The following ADCY2 variants were observed in gnomAD, a reference collection of about 807,000 sequenced individuals.
ADCY2 encodes adenylate cyclase type 2.
Under a neutral mutation model 125.2 loss-of-function variants are expected in ADCY2, and 31 were observed. That is an observed-to-expected ratio of 0.25 (90% CI 0.19 to 0.33). The LOEUF (loss-of-function observed/expected upper bound fraction) is 0.33, where lower values mean the gene tolerates loss of function less well. Among genes scored for constraint, ADCY2 ranks in the 10% least tolerant of loss-of-function variants. The pLI, the probability that ADCY2 is intolerant of heterozygous loss-of-function variation, is 1.00. For synonymous variants in ADCY2, 512 were observed against 548.4 expected, an observed-to-expected ratio of 0.93 and a Z score of 0.93; for missense variants, 904 against 1,418.2, an observed-to-expected ratio of 0.64 and a Z score of 5.82.
chr5:7,694,690 G>A (rs952021618), intron 5 of ADCY2, among the ~76,000 whole-genome samples: 17 of 152,130 alleles, frequency 1.1e-4, no homozygotes, highest in African/African-American at 3.6e-4. Flanking sequence ...ATGGACATTC[G>A]GTTTGCTTCC....
rs910421083 is a variant in ADCY2 at position 7,722,352 on chromosome 5, C to T, written c.1704-2193C>T. ...TCACTTCCTTGATTTCACTCTCACTCGCAAGCTGACATTTTCCAGGAGCAT... is the reference window on the plus strand; with the variant it reads ...TCACTTCCTTGATTTCACTCTCACTTGCAAGCTGACATTTTCCAGGAGCAT... On this transcript the variant is annotated intron_variant, in intron 12 of 24. Coordinates refer to ENST00000338316, the MANE Select transcript of ADCY2 (RefSeq NM_020546.3). Among the ~76,000 whole-genome samples, 6 of 152,254 alleles carry T rather than the reference C, an allele frequency of 3.9e-5. No homozygotes were observed. The East Asian group carries it at 5.8e-4, about 15-fold the overall frequency.
rs3033085 is a variant in ADCY2 at position 7,459,772 on chromosome 5, ATTTTTTTTTT to A, written c.408+45026_408+45035del. Among the ~76,000 whole-genome samples, 343 of 72,878 alleles carry A rather than the reference ATTTTTTTTTT, an allele frequency of 4.7e-3. 3 individuals are homozygous for A. Among genetic ancestry groups the A allele is most frequent in the African/African-American group, 0.019 (316 of 16,362 alleles). 47.8% of individuals were successfully genotyped at this position (72,878 alleles called of 152,430 possible). A position where few individuals can be genotyped will look rare whatever the true frequency, so the allele number is the denominator to read the frequency against. On this transcript the variant is annotated intron_variant, in intron 2 of 24. Coordinates refer to ENST00000338316, the MANE Select transcript of ADCY2 (RefSeq NM_020546.3). ...GAACTATCTAGCAGTTTAAGAGGTA[ATTTTTTTTTT>A]TTTTTTTTTTTTTTTTTTTTTTTGA...
chr5:7,478,127 G>A (rs1224097347), intron 2 of ADCY2, among the ~76,000 whole-genome samples: 1 of 152,060 alleles, frequency 6.6e-6, no homozygotes, highest in Admixed American at 6.5e-5. Flanking sequence ...GCAGACTCAG[G>A]GCTTATTTAT....
intron 1 of ADCY2, among the ~76,000 whole-genome samples, chr5:7,397,445 G>GT (rs767411861): frequency 0.34 from 24,037 of 69,688 alleles, 7,332 homozygotes; most frequent in East Asian, 0.48. Context: ...CCACCAGTGA[G>GT]TTTTTTTTTT....
At chr5:7,750,002 T>C (rs2126445106) in intron 15 of ADCY2, among the ~76,000 whole-genome samples, 1 of 152,318 alleles carries the variant, frequency 6.6e-6, no homozygotes, top group African/African-American at 2.4e-5. Flanking sequence ...CTTTTCCTTG[T>C]CAATGAAAAG....
chr5:7,433,121 G>A (rs914476967), intron 2 of ADCY2, among the ~76,000 whole-genome samples: 4 of 152,084 alleles, frequency 2.6e-5, no homozygotes, highest in African/African-American at 7.2e-5. Flanking sequence ...GCCAAAAAAC[G>A]TGTCCAGGCT....
At chr5:7,601,301 TATC>T (rs1265318608) in intron 3 of ADCY2, among the ~76,000 whole-genome samples, 2 of 151,698 alleles carry the variant, frequency 1.3e-5, no homozygotes, top group Non-Finnish European at 2.9e-5. Flanking sequence ...TTTAAACAAA[TATC>T]GTGATGAATT....
At chr5:7,616,711 G>A (rs750550386) in intron 3 of ADCY2, among the ~76,000 whole-genome samples, 12 of 152,154 alleles carry the variant, frequency 7.9e-5, no homozygotes, top group East Asian at 1.9e-4. Context: ...TAAATAAAAT[G>A]TCTTTAAAAC....
chr5:7,732,984 G>A (rs1333478561), intron 14 of ADCY2, among the ~76,000 whole-genome samples: 1 of 152,144 alleles, frequency 6.6e-6, no homozygotes, highest in East Asian at 1.9e-4. Context: ...TTAGAAACAT[G>A]AGCTACCTTC....
chr5:7,513,286 G>C (rs1382147059), intron 2 of ADCY2, among the ~76,000 whole-genome samples: 1 of 152,188 alleles, frequency 6.6e-6, no homozygotes, highest in African/African-American at 2.4e-5. Flanking sequence ...CAATTAAACA[G>C]AAGATGGCTT....
intron 19 of ADCY2, among the ~76,000 whole-genome samples, chr5:7,787,300 C>T (rs1486834443): frequency 6.6e-6 from 1 of 152,224 alleles, no homozygotes. Flanking sequence ...TGCGCATGGC[C>T]TCCCGCCATG....
intron 4 of ADCY2, among the ~76,000 whole-genome samples, chr5:7,680,483 G>A (rs1359961197): frequency 6.6e-6 from 1 of 152,166 alleles, no homozygotes; most frequent in Non-Finnish European, 1.5e-5. Flanking sequence ...CCTATCTGAA[G>A]GGGTTCAAAT....
chr5:7,690,027 TTTA>T (rs1740656554), intron 4 of ADCY2, among the ~76,000 whole-genome samples: 1 of 152,192 alleles, frequency 6.6e-6, no homozygotes, highest in African/African-American at 2.4e-5. Context: ...TTTACTAATA[TTTA>T]TTGTTTCCTG....
rs546957684 is a variant in ADCY2, at chr5:7,598,682, A to G, written c.571-27485A>G. Among the ~76,000 whole-genome samples, 15 of 152,268 alleles carry G rather than the reference A, an allele frequency of 9.9e-5. No individual in the cohort carries two copies. In the South Asian group the frequency reaches 3.1e-3, roughly 32 times the overall value. On this transcript the variant is annotated intron_variant, in intron 3 of 24. Transcript: ENST00000338316. ...GGGGTGTGAGTTGTTTCCAGTGGAC[A>G]CACGATAGGATTGTGCTTCCCAGCC...
chr5:7,475,613 T>C (rs1742495641), intron 2 of ADCY2, among the ~76,000 whole-genome samples: 1 of 152,104 alleles, frequency 6.6e-6, no homozygotes, highest in Admixed American at 6.5e-5. Flanking sequence ...AACCCCTGAC[T>C]TCTGGCGATC....
intron 3 of ADCY2, among the ~76,000 whole-genome samples, chr5:7,548,736 C>T (rs1230549137): frequency 6.6e-6 from 1 of 152,076 alleles, no homozygotes; most frequent in Non-Finnish European, 1.5e-5. Context: ...AAAGTGGAGT[C>T]GAGTTGACAC....
intron 20 of ADCY2, chr5:7,795,025 C>T (rs1744377959): frequency 6.6e-6 from 1 of 152,014 alleles, no homozygotes; most frequent in Non-Finnish European, 1.5e-5. Flanking sequence ...CAAAGAAGTC[C>T]CTGCAGACAA....
At chr5:7,612,157 GA>G (rs1399413603) in intron 3 of ADCY2, among the ~76,000 whole-genome samples, 2 of 151,066 alleles carry the variant, frequency 1.3e-5, no homozygotes, top group East Asian at 1.9e-4. Flanking sequence ...ATACCAGCAA[GA>G]AAAAAAAGGA....
At chr5:7,740,036 G>T (rs993752595) in intron 14 of ADCY2, among the ~76,000 whole-genome samples, 1 of 151,862 alleles carries the variant, frequency 6.6e-6, no homozygotes, top group Non-Finnish European at 1.5e-5. Flanking sequence ...TTTGTGAATG[G>T]ATAAAAATGT....
Sources: gnomAD v4.1 joint callset for allele counts (sites outside exome capture counted in the v4.1 genomes callset) on GRCh38, gnomAD v4.1.1 for gene constraint, MANE v1.5 for transcripts, NCBI Gene and HGNC (gene_info 2026-07-23, HGNC 2026-07-21) for gene names.